Variants in DCC observed in about 807,000 individuals in gnomAD.
DCC encodes netrin receptor DCC.
DCC carries 58 observed loss-of-function variants against 172.5 expected under a neutral mutation model. The ratio of observed to expected loss-of-function variants is 0.34; its 90% CI spans 0.27 to 0.42. The LOEUF is 0.42. Ranked by LOEUF, DCC falls within the 10% of genes least tolerant of loss-of-function variation. The pLI is 1.00. For synonymous variants in DCC, 709 were observed against 644.5 expected, an observed-to-expected ratio of 1.10 and a Z score of -1.52; for missense variants, 1,740 against 1,791.0, an observed-to-expected ratio of 0.97 and a Z score of 0.51.
chr18:53,287,843 C>G (rs1310052245), intron 12 of DCC, among the ~76,000 whole-genome samples: 1 of 152,030 alleles, frequency 6.6e-6, no homozygotes, highest in East Asian at 1.9e-4. Flanking sequence ...TTATTGATAA[C>G]AAAAGAGACT....
In DCC at chr18:53,210,619, G is replaced by A. The variant is rs925425762; in HGVS notation, c.1861+2802G>A. Among the ~76,000 whole-genome samples, 4 of 152,062 alleles carry A rather than the reference G, an allele frequency of 2.6e-5. No individual in the cohort carries two copies. The South Asian group carries it at 8.3e-4, about 32-fold the overall frequency. On this transcript the variant is annotated intron_variant, in intron 11 of 28. Coordinates refer to ENST00000442544, the MANE Select transcript of DCC (RefSeq NM_005215.4). ...TTATCTTTAGGATTTCCCATTTGTG[G>A]AACTAATTTGATATATTAATTTAAT...
chr18:52,427,839 C>CCTTCCTTTCTTT (rs1280763715), intron 1 of DCC, among the ~76,000 whole-genome samples: 1,799 of 52,972 alleles, frequency 0.034, 131 homozygotes, highest in East Asian at 0.19. Context: ...TTCCTTTCTT[C>CCTTCCTTTCTTT]CTTCCTTCCT....
At chr18:53,299,139 A>G (rs1228661518) in intron 12 of DCC, among the ~76,000 whole-genome samples, 3 of 152,326 alleles carry the variant, frequency 2.0e-5, no homozygotes, top group African/African-American at 7.2e-5. Context: ...GTGCACCTAC[A>G]TGTATGAATG....
At chr18:52,810,723 G>T (rs745782368) in intron 2 of DCC, among the ~76,000 whole-genome samples, 1 of 152,184 alleles carries the variant, frequency 6.6e-6, no homozygotes, top group African/African-American at 2.4e-5. Flanking sequence ...TTAGGAAAGG[G>T]TAGGTATTTT....
intron 1 of DCC, among the ~76,000 whole-genome samples, chr18:52,481,430 G>A (rs1379450573): frequency 6.6e-6 from 1 of 152,090 alleles, no homozygotes; most frequent in Non-Finnish European, 1.5e-5. Flanking sequence ...TACCTGGCCA[G>A]GGAAACTTAC....
intron 7 of DCC, among the ~76,000 whole-genome samples, chr18:53,102,109 T>A (rs1470469540): frequency 2.0e-5 from 3 of 152,270 alleles, no homozygotes; most frequent in African/African-American, 7.2e-5. Context: ...CAGTGAAGAC[T>A]GCTGAAGTTG....
At chr18:52,693,820 G>A (rs572957378) in intron 1 of DCC, among the ~76,000 whole-genome samples, 6 of 152,234 alleles carry the variant, frequency 3.9e-5, no homozygotes, top group Admixed American at 1.3e-4. Context: ...AATAGGATGG[G>A]ATTGGATTAC....
chr18:53,503,997 C>T (rs2046137760), intron 27 of DCC, among the ~76,000 whole-genome samples: 1 of 152,194 alleles, frequency 6.6e-6, no homozygotes, highest in South Asian at 2.1e-4. Context: ...GTTTGATTTT[C>T]CCCGTGCAAA....
chr18:53,068,771 C>CTGTGTGTGTGTGTGTGTGTGTG (rs74683814), intron 7 of DCC, among the ~76,000 whole-genome samples: 16 of 143,622 alleles, frequency 1.1e-4, no homozygotes, highest in East Asian at 1.1e-3. Flanking sequence ...ACCTTTTAGA[C>CTGTGTGTGTGTGTGTGTGTGTG]TGTGTGTGTG....
At chr18:52,742,993 G>A (rs1191833974) in intron 1 of DCC, among the ~76,000 whole-genome samples, 1 of 152,140 alleles carries the variant, frequency 6.6e-6, no homozygotes, top group African/African-American at 2.4e-5. Flanking sequence ...TATTGGATAA[G>A]CAAGGTTATG....
At chr18:52,904,388 C>T (rs2039850988) in intron 2 of DCC, among the ~76,000 whole-genome samples, 1 of 152,262 alleles carries the variant, frequency 6.6e-6, no homozygotes, top group South Asian at 2.1e-4. Flanking sequence ...ACTCTAATCC[C>T]TAAAAGAGAC....
chr18:53,474,050 A>G (rs1260433130), intron 25 of DCC, among the ~76,000 whole-genome samples: 1 of 152,194 alleles, frequency 6.6e-6, no homozygotes, highest in African/African-American at 2.4e-5. Flanking sequence ...TCAGATAACA[A>G]CACATACATG....
chr18:52,530,587 T>A (rs1422829874), intron 1 of DCC, among the ~76,000 whole-genome samples: 1 of 152,198 alleles, frequency 6.6e-6, no homozygotes, highest in Non-Finnish European at 1.5e-5. Context: ...AAACTGGAAC[T>A]TTTGTCTTTT....
At chr18:53,518,203 G>A (rs1015976210) in intron 27 of DCC, among the ~76,000 whole-genome samples, 8 of 152,120 alleles carry the variant, frequency 5.3e-5, no homozygotes, top group African/African-American at 1.9e-4. Flanking sequence ...CAGAGACAAA[G>A]CAGAGATAAG....
chr18:52,720,371 T>C (rs1398040697), intron 1 of DCC, among the ~76,000 whole-genome samples: 3 of 152,222 alleles, frequency 2.0e-5, no homozygotes, highest in African/African-American at 7.2e-5. Context: ...ATTTTCTGGT[T>C]TGGAATGTAG....
intron 1 of DCC, among the ~76,000 whole-genome samples, chr18:52,509,708 G>T (rs145770557): frequency 4.6e-5 from 7 of 152,178 alleles, no homozygotes; most frequent in Admixed American, 3.3e-4. Flanking sequence ...CTGCGATTTA[G>T]GATCTTGTGG....
intron 1 of DCC, among the ~76,000 whole-genome samples, chr18:52,575,321 G>A (rs2033383533): frequency 1.3e-5 from 2 of 152,088 alleles, no homozygotes; most frequent in Non-Finnish European, 1.5e-5. Context: ...TACTAAAGAG[G>A]CAAACCTAAG....
chr18:52,923,874 AC>A lies in DCC; in HGVS notation c.848+18del, dbSNP rs2040161309. 2 of 1,601,150 alleles carry A rather than the reference AC, an allele frequency of 1.2e-6. No homozygotes were observed. Among genetic ancestry groups the A allele is most frequent in the African/African-American group, 1.3e-5 (1 of 74,708 alleles). ...CCAACTCAGGTATTTCACATTTAAGACTTTTTTGTAAAGTGTACTTTTGTAT... is the reference window on the plus strand; with the variant it reads ...CCAACTCAGGTATTTCACATTTAAGATTTTTTGTAAAGTGTACTTTTGTAT... On this transcript the variant is annotated intron_variant, in intron 4 of 28. Coordinates refer to ENST00000442544, the MANE Select transcript of DCC (RefSeq NM_005215.4).
At chr18:53,228,692 C>T (rs954764387) in intron 12 of DCC, among the ~76,000 whole-genome samples, 4 of 152,078 alleles carry the variant, frequency 2.6e-5, no homozygotes, top group East Asian at 1.9e-4. Context: ...TCAAGGATTT[C>T]GGGGTTTATG....
Sources: gnomAD v4.1 joint callset for allele counts (sites outside exome capture counted in the v4.1 genomes callset) on GRCh38, gnomAD v4.1.1 for gene constraint, MANE v1.5 for transcripts, NCBI Gene and HGNC (gene_info 2026-07-23, HGNC 2026-07-21) for gene names.